Variants in ADTRP observed in about 807,000 individuals in gnomAD.
ADTRP encodes the protein androgen-dependent TFPI-regulating protein.
A neutral mutation model predicts 27.0 loss-of-function variants in ADTRP; 20 were observed. The observed-to-expected ratio is 0.74, with a 90% CI of 0.52 to 1.08. The LOEUF (loss-of-function observed/expected upper bound fraction) is 1.08, where lower values mean the gene tolerates loss of function less well. ADTRP is among the 50% of genes least tolerant of loss of function. The pLI is 0.00. For synonymous variants in ADTRP, 101 were observed against 105.2 expected (o/e 0.96, Z 0.25); for missense variants, 251 against 275.0 (o/e 0.91, Z 0.62).
intron 3 of ADTRP, among the ~76,000 whole-genome samples, chr6:11,762,356 C>T (rs572360281): frequency 3.9e-5 from 6 of 152,352 alleles, no homozygotes; most frequent in East Asian, 1.9e-4. Flanking sequence ...ATTTCAACTT[C>T]GTGTGTGTAC....
intron 1 of ADTRP, among the ~76,000 whole-genome samples, chr6:11,773,299 C>G (rs1763846873): frequency 6.6e-6 from 1 of 152,144 alleles, no homozygotes; most frequent in Admixed American, 6.5e-5. Context: ...CGATGCAGGT[C>G]AGGTTCCGTG....
intron 5 of ADTRP, among the ~76,000 whole-genome samples, chr6:11,720,199 T>G (rs918898693): frequency 5.3e-5 from 8 of 152,216 alleles, no homozygotes; most frequent in African/African-American, 1.9e-4. Context: ...AAACATAGGC[T>G]TAGCTCTGGC....
At chr6:11,739,328 A>C (rs1762645471) in intron 3 of ADTRP, among the ~76,000 whole-genome samples, 3 of 152,168 alleles carry the variant, frequency 2.0e-5, no homozygotes, top group Non-Finnish European at 2.9e-5. Flanking sequence ...GATCTAGTGG[A>C]GCTATCTTTC....
chr6:11,764,162 C>T (rs138943034), intron 3 of ADTRP, among the ~76,000 whole-genome samples: 133 of 152,316 alleles, frequency 8.7e-4, no homozygotes, highest in African/African-American at 2.8e-3. Flanking sequence ...TAAGCATCTC[C>T]GTTGCACAGT....
chr6:11,761,105 C>G (rs1358639257), intron 3 of ADTRP, among the ~76,000 whole-genome samples: 3 of 152,196 alleles, frequency 2.0e-5, no homozygotes, highest in Non-Finnish European at 4.4e-5. Flanking sequence ...AGTCACTGTT[C>G]TGCTGCCTGA....
intron 1 of ADTRP, among the ~76,000 whole-genome samples, chr6:11,772,093 A>G (rs1303506366): frequency 6.6e-6 from 1 of 152,172 alleles, no homozygotes; most frequent in East Asian, 1.9e-4. Flanking sequence ...TTTCACAGCT[A>G]TTTTGGCCGC....
At chr6:11,716,876 G>A (rs1470157498) in intron 5 of ADTRP, among the ~76,000 whole-genome samples, 6 of 139,602 alleles carry the variant, frequency 4.3e-5, no homozygotes, top group East Asian at 4.9e-4. Context: ...GCCACCACAC[G>A]TAGCTTTTTT....
At chr6:11,764,453 GTTA>G (rs568307253) in intron 3 of ADTRP, among the ~76,000 whole-genome samples, 40 of 152,042 alleles carry the variant, frequency 2.6e-4, no homozygotes, top group African/African-American at 9.4e-4. Flanking sequence ...ACTCTGCTTT[GTTA>G]TTATTTTAGT....
chr6:11,723,867 T>C (rs1229393986), intron 4 of ADTRP, among the ~76,000 whole-genome samples: 1 of 152,072 alleles, frequency 6.6e-6, no homozygotes, highest in Admixed American at 6.5e-5. Context: ...GAGAGCAGCC[T>C]GGCCAACATG....
chr6:11,731,105 CAG>C (rs1561747295), intron 4 of ADTRP, among the ~76,000 whole-genome samples: 1 of 152,170 alleles, frequency 6.6e-6, no homozygotes, highest in Non-Finnish European at 1.5e-5. Flanking sequence ...CAGTGCACGA[CAG>C]GGGCATGTGT....
At chr6:11,759,044 G>A (rs1396820537) in intron 3 of ADTRP, among the ~76,000 whole-genome samples, 1 of 152,200 alleles carries the variant, frequency 6.6e-6, no homozygotes, top group East Asian at 1.9e-4. Context: ...TATGGAGGAA[G>A]GGCAATCCTG....
At chr6:11,765,438 C>T (rs1370290924) in intron 3 of ADTRP, among the ~76,000 whole-genome samples, 1 of 149,732 alleles carries the variant, frequency 6.7e-6, no homozygotes, top group African/African-American at 2.5e-5. Flanking sequence ...AGCGATTCTC[C>T]TGCCTCAGCC....
chr6:11,775,703 T>C (rs1005585857), intron 1 of ADTRP, among the ~76,000 whole-genome samples: 1 of 152,130 alleles, frequency 6.6e-6, no homozygotes, highest in Non-Finnish European at 1.5e-5. Flanking sequence ...GTGCAACTCG[T>C]GTCTGTCTCC....
intron 1 of ADTRP, among the ~76,000 whole-genome samples, chr6:11,772,726 C>T (rs1763824886): frequency 6.6e-6 from 1 of 152,152 alleles, no homozygotes; most frequent in Admixed American, 6.5e-5. Flanking sequence ...GTGATGAGTC[C>T]TTTATATAAC....
At chr6:11,726,175 C>G (rs1762191692) in intron 4 of ADTRP, among the ~76,000 whole-genome samples, 1 of 152,126 alleles carries the variant, frequency 6.6e-6, no homozygotes, top group African/African-American at 2.4e-5. Flanking sequence ...ATATGAGAAA[C>G]CTAGAATGTC....
chr6:11,760,515 C>G (rs1763361706), intron 3 of ADTRP, among the ~76,000 whole-genome samples: 1 of 152,232 alleles, frequency 6.6e-6, no homozygotes, highest in Non-Finnish European at 1.5e-5. Flanking sequence ...CTCCCAAACA[C>G]TGAAGGCTGG....
chr6:11,775,416 AG>A (rs1763920024), intron 1 of ADTRP, among the ~76,000 whole-genome samples: 1 of 151,918 alleles, frequency 6.6e-6, no homozygotes, highest in Non-Finnish European at 1.5e-5. Flanking sequence ...TGGAAATGAA[AG>A]ACACAAAGAA....
chr6:11,748,024 G>T (rs1762922482), intron 3 of ADTRP, among the ~76,000 whole-genome samples: 1 of 152,180 alleles, frequency 6.6e-6, no homozygotes, highest in Admixed American at 6.5e-5. Context: ...AAAACTTTCT[G>T]CCAGAGAGTA....
chr6:11,762,673 A>G (rs1047509056), intron 3 of ADTRP, among the ~76,000 whole-genome samples: 1 of 152,234 alleles, frequency 6.6e-6, no homozygotes, highest in African/African-American at 2.4e-5. Flanking sequence ...TAAGTTTTAC[A>G]TGAGAATACC....
Sources: gnomAD v4.1 joint callset for allele counts (sites outside exome capture counted in the v4.1 genomes callset) on GRCh38, gnomAD v4.1.1 for gene constraint, MANE v1.5 for transcripts, NCBI Gene and HGNC (gene_info 2026-07-23, HGNC 2026-07-21) for gene names.